Variants in AVEN observed in about 807,000 individuals in gnomAD.
The protein encoded by AVEN is apoptosis and caspase activation inhibitor.
AVEN carries 41 observed loss-of-function variants against 38.1 expected under a neutral mutation model. That is an observed-to-expected ratio of 1.08 (90% CI 0.84 to 1.40). AVEN has a LOEUF of 1.40. Among genes scored for constraint, AVEN ranks in the 40% most tolerant of loss-of-function variants. The pLI is 0.00. For missense variants in AVEN, 605 were observed against 438.8 expected, an observed-to-expected ratio of 1.38 and a Z score of -3.38; for synonymous variants, 206 against 171.8, an observed-to-expected ratio of 1.20 and a Z score of -1.56.
chr15:33,875,811 C>G (rs1891199498), intron 3 of AVEN, 114 bp downstream of exon 3: 1 of 1,024,224 alleles, frequency 9.8e-7, no homozygotes, highest in Non-Finnish European at 1.4e-6. Flanking sequence ...TGAGGGTACA[C>G]TGTAAGAATT....
intron 2 of AVEN, among the ~76,000 whole-genome samples, chr15:33,878,221 C>T (rs958586060): frequency 7.2e-5 from 11 of 151,928 alleles, no homozygotes; most frequent in African/African-American, 1.2e-4. Flanking sequence ...ATATATGAAA[C>T]GAAGATATGC....
intron 5 of AVEN, among the ~76,000 whole-genome samples, chr15:34,051,181 G>A (rs1423865268): frequency 6.6e-6 from 1 of 152,166 alleles, no homozygotes; most frequent in East Asian, 1.9e-4. Context: ...TAGAACTCAA[G>A]ATTAAGAAAT....
intron 2 of AVEN, among the ~76,000 whole-genome samples, chr15:33,894,043 G>A (rs1835892194): frequency 6.7e-6 from 1 of 149,606 alleles, no homozygotes; most frequent in Admixed American, 6.8e-5. Flanking sequence ...TCCACCTCCT[G>A]GGCTCAAGTG....
intron 2 of AVEN, among the ~76,000 whole-genome samples, chr15:33,939,402 G>A (rs1463972417): frequency 6.6e-6 from 1 of 152,160 alleles, no homozygotes; most frequent in Non-Finnish European, 1.5e-5. Flanking sequence ...GGAGTAACAC[G>A]TACAACTGAA....
At chr15:33,876,476 G>C in intron 2 of AVEN, among the ~76,000 whole-genome samples, 1 of 152,062 alleles carries the variant, frequency 6.6e-6, no homozygotes, top group Non-Finnish European at 1.5e-5. Context: ...GGAGGCTGAG[G>C]CAGGAGAATC....
intron 1 of AVEN, among the ~76,000 whole-genome samples, chr15:34,020,210 C>CTGAGGCAGGAGAATGGCG (rs1400425200): frequency 1.3e-5 from 2 of 151,850 alleles, no homozygotes; most frequent in African/African-American, 4.8e-5. Flanking sequence ...ACTCGGGAGG[C>CTGAGGCAGGAGAATGGCG]TGAGGCAGGA....
intron 2 of AVEN, among the ~76,000 whole-genome samples, chr15:33,950,817 G>GCA (rs1357264761): frequency 6.6e-6 from 1 of 152,160 alleles, no homozygotes; most frequent in East Asian, 1.9e-4. Context: ...GCCAGCCTGG[G>GCA]CAACATAATG....
At chr15:33,872,235 T>G (rs1330028538) in intron 3 of AVEN, among the ~76,000 whole-genome samples, 1 of 152,220 alleles carries the variant, frequency 6.6e-6, no homozygotes, top group Non-Finnish European at 1.5e-5. Context: ...CACAGGACCC[T>G]GTCTGTGTGC....
intron 1 of AVEN, among the ~76,000 whole-genome samples, 183 bp downstream of exon 1, chr15:34,038,597 C>A (rs1040588828): frequency 1.4e-5 from 2 of 140,816 alleles, no homozygotes. Context: ...AAGCGCATAC[C>A]CAGGCGCGCC....
chr15:33,937,598 C>A (rs1233056728), intron 2 of AVEN, among the ~76,000 whole-genome samples: 1 of 151,964 alleles, frequency 6.6e-6, no homozygotes, highest in Non-Finnish European at 1.5e-5. Context: ...TGTTGAAGCC[C>A]TAACCCCCCA....
intron 2 of AVEN, among the ~76,000 whole-genome samples, chr15:33,914,449 T>C (rs1458115793): frequency 1.3e-5 from 2 of 151,946 alleles, no homozygotes; most frequent in African/African-American, 2.4e-5. Context: ...TACAACCGTA[T>C]AGCAATTTGG....
chr15:33,961,021 G>A (rs1895140765), intron 2 of AVEN, among the ~76,000 whole-genome samples: 1 of 151,666 alleles, frequency 6.6e-6, no homozygotes, highest in South Asian at 2.1e-4. Flanking sequence ...TTTCTTTTGA[G>A]ACAGAGTCTT....
At chr15:34,049,305 A>G (rs1162564798) in intron 5 of AVEN, among the ~76,000 whole-genome samples, 4 of 152,192 alleles carry the variant, frequency 2.6e-5, no homozygotes, top group Non-Finnish European at 5.9e-5. Flanking sequence ...GCTATGAATC[A>G]TGAGAAAACA....
intron 1 of AVEN, 52 bp downstream of exon 1, chr15:34,038,728 C>T: frequency 8.8e-7 from 1 of 1,132,728 alleles, no homozygotes; most frequent in Non-Finnish European, 1.1e-6. Flanking sequence ...GGCCTCGGCC[C>T]CACTTGCCCC....
downstream of AVEN, chr15:33,858,112 T>TA: frequency 1.5e-6 from 1 of 684,488 alleles, no homozygotes; most frequent in South Asian, 2.1e-5. Flanking sequence ...GTGATGGAGG[T>TA]AGTTTTCATT....
At chr15:34,048,061 T>TA (rs34626619) in intron 5 of AVEN, among the ~76,000 whole-genome samples, 20,451 of 152,148 alleles carry the variant, frequency 0.13, 2,360 homozygotes, top group East Asian at 0.34. Context: ...GTTTGGTAGA[T>TA]ATGGGAGTTT....
intron 2 of AVEN, among the ~76,000 whole-genome samples, chr15:33,945,650 A>G (rs570850227): frequency 1.3e-5 from 2 of 152,110 alleles, no homozygotes; most frequent in African/African-American, 4.8e-5. Flanking sequence ...CAGTCGCGCA[A>G]TCTCAGCTCA....
chr15:34,054,789 G>A lies in AVEN; in HGVS notation n.1637+8133C>T, dbSNP rs146691160. Among the ~76,000 whole-genome samples, 669 of 152,266 alleles carry A rather than the reference G, an allele frequency of 4.4e-3. 3 individuals carry two copies. Among genetic ancestry groups the A allele is most frequent in the South Asian group, 0.015 (73 of 4,828 alleles). On this transcript the variant is annotated intron_variant and non_coding_transcript_variant, in intron 5 of 11. Coordinates refer to the AVEN transcript ENST00000675287. ...TGTGCAGCAAACCACCCTGGCACAC[G>A]TTTACCTATGTAACAAACCTGCACC...
Position 34,073,986 on chromosome 15 carries a change from CTTCT to C in AVEN, n.720+446_720+449del, listed in dbSNP as rs1299638112. 6.9e-4 allele frequency among the ~76,000 whole-genome samples: 77 copies of C among 112,182 alleles called. 15 individuals are homozygous for C. Among genetic ancestry groups the C allele is most frequent in the African/African-American group, 3.0e-3 (72 of 24,268 alleles). 73.6% of individuals were successfully genotyped at this position (112,182 alleles called of 152,430 possible). A position where few individuals can be genotyped will look rare whatever the true frequency, so the allele number is the denominator to read the frequency against. Reference sequence around the variant, plus strand: ...TGGAGGAACTTTCTTTTTTCTTCTTCTTCTTTTTTTTTTTTTTTTTTTTTTTTTT... The same window carrying C: ...TGGAGGAACTTTCTTTTTTCTTCTTCTTTTTTTTTTTTTTTTTTTTTTTTT... On this transcript the variant is annotated intron_variant and non_coding_transcript_variant, in intron 1 of 11. Transcript: ENST00000675287.
Sources: allele counts gnomAD v4.1 joint callset (sites outside exome capture counted in the v4.1 genomes callset), GRCh38; gene constraint gnomAD v4.1.1; transcripts MANE v1.5; gene names NCBI Gene and HGNC (gene_info 2026-07-23, HGNC 2026-07-21).